CTNNA2: variants seen among roughly 807,000 people sequenced by gnomAD.
CTNNA2 encodes catenin alpha 2.
Under a neutral mutation model 101.0 loss-of-function variants are expected in CTNNA2, and 42 were observed. That is an observed-to-expected ratio of 0.42 (90% CI 0.32 to 0.54). The LOEUF (loss-of-function observed/expected upper bound fraction) is 0.54. CTNNA2 is among the 20% of genes least tolerant of loss of function. The probability of loss-of-function intolerance (pLI) is 0.14; values close to 1 mark genes in which losing one functional copy is unlikely to be tolerated. For synonymous variants in CTNNA2, 450 were observed against 456.4 expected (o/e 0.99, Z 0.18); for missense variants, 871 against 1,223.1 (o/e 0.71, Z 4.29).
chr2:80,284,376 G>C (rs1274046038), intron 7 of CTNNA2, among the ~76,000 whole-genome samples: 5 of 152,202 alleles, frequency 3.3e-5, no homozygotes, highest in Admixed American at 3.3e-4. Context: ...GTAGTTTTCA[G>C]CTCTGAGCCC....
intron 2 of CTNNA2, chr2:79,687,688 T>TGG (rs1684028362): frequency 1.8e-6 from 1 of 543,838 alleles, no homozygotes; most frequent in African/African-American, 2.0e-5. Flanking sequence ...CTTAAAAAAC[T>TGG]GGATGAAATA....
chr2:80,508,674 CAA>C (rs34023586), intron 9 of CTNNA2, among the ~76,000 whole-genome samples: 5,816 of 110,554 alleles, frequency 0.053, 318 homozygotes, highest in African/African-American at 0.17. Flanking sequence ...GGGATTTATG[CAA>C]AAAAAAAAAA....
intron 2 of CTNNA2, among the ~76,000 whole-genome samples, chr2:79,735,671 A>G (rs528823379): frequency 1.3e-5 from 2 of 152,328 alleles, no homozygotes; most frequent in African/African-American, 4.8e-5. Context: ...TAAGTATAAT[A>G]CGTTAATTAT....
At chr2:80,341,415 A>G (rs1470154705) in intron 7 of CTNNA2, among the ~76,000 whole-genome samples, 2 of 149,672 alleles carry the variant, frequency 1.3e-5, no homozygotes, top group Non-Finnish European at 3.0e-5. Flanking sequence ...GACAGGAACA[A>G]AGGATGAAGA....
At chr2:80,401,607 C>T (rs763700999) in intron 8 of CTNNA2, among the ~76,000 whole-genome samples, 6 of 152,044 alleles carry the variant, frequency 3.9e-5, no homozygotes, top group Non-Finnish European at 7.4e-5. Context: ...GTTTGAATTC[C>T]ACTGTCTTTG....
rs572881796 is a variant in CTNNA2, at chr2:79,675,975, T to C, written c.102+24317T>C. Among the ~76,000 whole-genome samples the C allele has an allele frequency of 4.6e-5, 7 of 152,096 alleles. No homozygotes were observed. In the South Asian group the frequency reaches 1.2e-3, roughly 27 times the overall value. ...GCCAAGTACTCAGGAGTTTGTGGAG[T>C]GTCAAGGTATTGGATCAGCTGTCTC... is the stretch of plus-strand genomic sequence containing the variant. On this transcript the variant is annotated intron_variant, in intron 2 of 18. Coordinates refer to ENST00000402739, the MANE Select transcript of CTNNA2 (RefSeq NM_001282597.3).
intron 7 of CTNNA2, among the ~76,000 whole-genome samples, chr2:80,140,602 A>G (rs910315348): frequency 1.3e-5 from 2 of 152,190 alleles, no homozygotes; most frequent in Non-Finnish European, 2.9e-5. Flanking sequence ...AATTACATGC[A>G]GTCATAAATG....
At chr2:80,195,944 C>A (rs1197098201) in intron 7 of CTNNA2, among the ~76,000 whole-genome samples, 4 of 152,116 alleles carry the variant, frequency 2.6e-5, no homozygotes, top group African/African-American at 7.2e-5. Context: ...AGGTCCACAT[C>A]TTTTAATAGC....
intron 3 of CTNNA2, among the ~76,000 whole-genome samples, chr2:79,763,066 GA>G: frequency 6.6e-6 from 1 of 152,106 alleles, no homozygotes; most frequent in Non-Finnish European, 1.5e-5. Context: ...CAGATACTTA[GA>G]AACTATTCTT....
chr2:79,311,449 G>A (rs1676370354), intron 2 of CTNNA2, among the ~76,000 whole-genome samples: 1 of 146,040 alleles, frequency 6.8e-6, no homozygotes, highest in South Asian at 2.2e-4. Flanking sequence ...TAACTTAAAT[G>A]ATTTCTAAGG....
Position 80,603,884 on chromosome 2 carries a change from A to G in CTNNA2, c.2190-190A>G, listed in dbSNP as rs216661. ...AAAATGTGAACATGCACATAAAAATATGGGAAAATATTTCCAAAAACGACT... is the reference window on the plus strand; with the variant it reads ...AAAATGTGAACATGCACATAAAAATGTGGGAAAATATTTCCAAAAACGACT... On this transcript the variant is annotated intron_variant, in intron 15 of 18. Transcript: ENST00000402739. 0.51 allele frequency: 273,693 copies of G among 536,220 alleles called. 71,220 individuals are homozygous for G. The highest frequency in any genetic ancestry group is 0.66 in the East Asian group (22,226 of 33,654). 33.2% of individuals were successfully genotyped at this position (536,220 alleles called of 1,614,324 possible).
At chr2:79,412,824 A>T (rs1678432121) in intron 4 of CTNNA2, among the ~76,000 whole-genome samples, 1 of 152,104 alleles carries the variant, frequency 6.6e-6, no homozygotes, top group Admixed American at 6.6e-5. Context: ...GAAGGCACGG[A>T]TATGAGCCAC....
At chr2:80,532,790 G>T (rs1690656507) in intron 9 of CTNNA2, among the ~76,000 whole-genome samples, 1 of 152,046 alleles carries the variant, frequency 6.6e-6, no homozygotes, top group Non-Finnish European at 1.5e-5. Context: ...TTAGATTAAG[G>T]TGTTATATTA....
intron 4 of CTNNA2, among the ~76,000 whole-genome samples, chr2:79,374,218 T>C (rs1677934866): frequency 6.6e-6 from 1 of 152,186 alleles, no homozygotes; most frequent in Admixed American, 6.5e-5. Flanking sequence ...TAAAACCTTC[T>C]GTGGAAGTCT....
chr2:79,278,172 G>A (rs540588771), intron 2 of CTNNA2, among the ~76,000 whole-genome samples: 7 of 152,226 alleles, frequency 4.6e-5, no homozygotes, highest in South Asian at 2.1e-4. Flanking sequence ...AGCAGCTGGC[G>A]TGGATGGAGA....
At chr2:79,743,172 C>A (rs1431253531) in intron 2 of CTNNA2, among the ~76,000 whole-genome samples, 2 of 137,092 alleles carry the variant, frequency 1.5e-5, no homozygotes, top group African/African-American at 5.8e-5. Flanking sequence ...CTTGTGAAGC[C>A]GATAAAAAAA....
At chr2:79,230,777 C>A (rs1269753542) in intron 2 of CTNNA2, among the ~76,000 whole-genome samples, 1 of 152,226 alleles carries the variant, frequency 6.6e-6, no homozygotes, top group Non-Finnish European at 1.5e-5. Context: ...GCCACAGGGG[C>A]AGAGCTGCCC....
intron 9 of CTNNA2, among the ~76,000 whole-genome samples, chr2:80,505,085 C>A (rs1688163838): frequency 1.3e-5 from 2 of 151,624 alleles, no homozygotes; most frequent in South Asian, 2.1e-4. Flanking sequence ...AAGCCTTAGC[C>A]CCAAGCTAAA....
At chr2:79,486,728 C>T (rs1671162318) in intron 4 of CTNNA2, among the ~76,000 whole-genome samples, 1 of 152,188 alleles carries the variant, frequency 6.6e-6, no homozygotes, top group African/African-American at 2.4e-5. Flanking sequence ...ACATCCTCTC[C>T]AGCACCTGTT....
Sources: allele counts gnomAD v4.1 joint callset (sites outside exome capture counted in the v4.1 genomes callset), GRCh38; gene constraint gnomAD v4.1.1; transcripts MANE v1.5; gene names NCBI Gene and HGNC (gene_info 2026-07-23, HGNC 2026-07-21).